The following KCNMA1 variants were observed in gnomAD, a reference collection of about 807,000 sequenced individuals.
The protein encoded by KCNMA1 is Calcium-activated potassium channel subunit alpha-1.
KCNMA1 carries 29 observed loss-of-function variants against 140.0 expected under a neutral mutation model. The observed-to-expected ratio is 0.21, with a 90% CI of 0.15 to 0.28. The LOEUF (loss-of-function observed/expected upper bound fraction) is 0.28, where lower values mean the gene tolerates loss of function less well. KCNMA1 is among the 10% of genes least tolerant of loss of function. The pLI is 1.00. For missense variants in KCNMA1, 880 were observed against 1,602.2 expected (o/e 0.55, Z 7.70); for synonymous variants, 612 against 611.9 (o/e 1.00, Z 0.00).
At chr10:77,483,398 G>A (rs190116671) in intron 1 of KCNMA1, among the ~76,000 whole-genome samples, 1 of 152,340 alleles carries the variant, frequency 6.6e-6, no homozygotes, top group Admixed American at 6.5e-5. Flanking sequence ...AGGAGCCGGG[G>A]TGGTGACACA....
chr10:77,253,432 C>G (rs2060070793), intron 2 of KCNMA1, among the ~76,000 whole-genome samples: 2 of 152,228 alleles, frequency 1.3e-5, no homozygotes. Flanking sequence ...TCTAAGACCC[C>G]TGCAATGGCA....
chr10:77,578,039 G>A (rs1445624131), intron 1 of KCNMA1, among the ~76,000 whole-genome samples: 2 of 152,194 alleles, frequency 1.3e-5, no homozygotes, highest in Non-Finnish European at 2.9e-5. Flanking sequence ...TAAACTGGTG[G>A]GATTAGAGGC....
At chr10:77,540,264 G>A (rs1252821675) in intron 1 of KCNMA1, among the ~76,000 whole-genome samples, 2 of 152,212 alleles carry the variant, frequency 1.3e-5, no homozygotes, top group Non-Finnish European at 2.9e-5. Flanking sequence ...ATAAGGCAAA[G>A]CTGGGGTGTT....
At chr10:77,201,658 T>C (rs1277279664) in intron 3 of KCNMA1, among the ~76,000 whole-genome samples, 1 of 152,232 alleles carries the variant, frequency 6.6e-6, no homozygotes, top group Non-Finnish European at 1.5e-5. Flanking sequence ...TTCACGCATG[T>C]GACCTTATAA....
chr10:77,448,593 G>A (rs563721660), intron 1 of KCNMA1, among the ~76,000 whole-genome samples: 1 of 152,244 alleles, frequency 6.6e-6, no homozygotes, highest in South Asian at 2.1e-4. Flanking sequence ...TCCAATTCCA[G>A]GGTTCTTTCA....
chr10:77,450,746 A>C (rs1488276281), intron 1 of KCNMA1, among the ~76,000 whole-genome samples: 1 of 152,230 alleles, frequency 6.6e-6, no homozygotes, highest in Admixed American at 6.5e-5. Context: ...GAAGGGCCCC[A>C]TGAGACTCAT....
At chr10:77,051,256 T>C (rs1245973931) in intron 14 of KCNMA1, among the ~76,000 whole-genome samples, 1 of 152,190 alleles carries the variant, frequency 6.6e-6, no homozygotes, top group African/African-American at 2.4e-5. Context: ...TATGGCCTAA[T>C]AAAGTCGCGC....
chr10:76,932,214 T>C (rs1286775118), intron 23 of KCNMA1, among the ~76,000 whole-genome samples: 1 of 152,206 alleles, frequency 6.6e-6, no homozygotes, highest in Non-Finnish European at 1.5e-5. Flanking sequence ...AAAAGTGTAT[T>C]GTTCAAACAT....
chr10:77,234,194 C>A (rs1173042056), intron 3 of KCNMA1, among the ~76,000 whole-genome samples: 1 of 152,144 alleles, frequency 6.6e-6, no homozygotes, highest in African/African-American at 2.4e-5. Flanking sequence ...TTAACATAAT[C>A]TATTTTCTTA....
chr10:77,066,222 T>C (rs1245378977), intron 14 of KCNMA1, among the ~76,000 whole-genome samples: 3 of 152,166 alleles, frequency 2.0e-5, no homozygotes, highest in Non-Finnish European at 1.5e-5. Context: ...AGGAGGCTGG[T>C]GTAATATTCT....
At chr10:76,959,814 T>C (rs1400370752) in intron 20 of KCNMA1, among the ~76,000 whole-genome samples, 2 of 152,242 alleles carry the variant, frequency 1.3e-5, no homozygotes, top group Non-Finnish European at 2.9e-5. Context: ...CAAATGTTGG[T>C]GCACTAAAAC....
At chr10:77,481,786 A>AT (rs1307437544) in intron 1 of KCNMA1, among the ~76,000 whole-genome samples, 1 of 151,516 alleles carries the variant, frequency 6.6e-6, no homozygotes, top group East Asian at 2.0e-4. Flanking sequence ...AAAAAAAAAA[A>AT]AAAAAGAAAG....
chr10:76,883,389 C>T (rs1441634219), downstream of KCNMA1, among the ~76,000 whole-genome samples: 1 of 152,172 alleles, frequency 6.6e-6, no homozygotes, highest in Non-Finnish European at 1.5e-5. Context: ...GAATTTGAAA[C>T]CTCTCCCAAT....
chr10:77,288,895 C>G (rs1000099799), intron 2 of KCNMA1, among the ~76,000 whole-genome samples: 1 of 152,170 alleles, frequency 6.6e-6, no homozygotes, highest in Non-Finnish European at 1.5e-5. Flanking sequence ...AAAGTGAACA[C>G]CATCCACAAG....
rs143645179 is a variant in KCNMA1 at position 77,612,918 on chromosome 10, C to A, written c.378+24347G>T. The stretch of plus-strand genomic sequence containing the variant: ...CTCCTTTCTGGATTCTCTCTCCCTA[C>A]TCCCCCCACCCCCACTGAGCACAGG... On this transcript the variant is annotated intron_variant, in intron 1 of 27. Coordinates refer to ENST00000286628, the MANE Select transcript of KCNMA1 (RefSeq NM_001161352.2). 4.2e-3 allele frequency among the ~76,000 whole-genome samples: 636 copies of A among 152,222 alleles called. 4 individuals carry two copies. Among genetic ancestry groups the A allele is most frequent in the Non-Finnish European group, 7.5e-3 (510 of 68,010 alleles).
chr10:77,060,676 G>A (rs1339339439), intron 14 of KCNMA1, among the ~76,000 whole-genome samples: 2 of 152,160 alleles, frequency 1.3e-5, no homozygotes. Flanking sequence ...TGAGGTGAAT[G>A]TATTTTGCAT....
intron 2 of KCNMA1, among the ~76,000 whole-genome samples, chr10:77,333,417 A>G (rs1183504146): frequency 6.0e-5 from 9 of 149,808 alleles, no homozygotes; most frequent in Non-Finnish European, 1.2e-4. Flanking sequence ...AAAGAAAAGA[A>G]AAGAAAGAGA....
At chr10:77,120,505 T>C (rs570221374) in intron 6 of KCNMA1, among the ~76,000 whole-genome samples, 18 of 152,352 alleles carry the variant, frequency 1.2e-4, no homozygotes, top group African/African-American at 4.1e-4. Context: ...GTTTGCCGTA[T>C]GAGGTTTGTG....
Position 77,553,972 on chromosome 10 carries a change from G to A in KCNMA1, c.378+83293C>T, listed in dbSNP as rs143517279. Among the ~76,000 whole-genome samples, 32 of 144,278 alleles carry A rather than the reference G, an allele frequency of 2.2e-4. 1 individual carries two copies. In the East Asian group the frequency reaches 4.9e-3, roughly 22 times the overall value. The allele number at this position is 144,278 out of a possible 152,430, so 94.7% of individuals were successfully genotyped here. On this transcript the variant is annotated intron_variant, in intron 1 of 27. Transcript: ENST00000286628. ...GTTTTGTAGGTCTTGAGCAGGGATCGACTTTTTTTTTTTTTAAGGTTCCAA... is the reference window on the plus strand; with the variant it reads ...GTTTTGTAGGTCTTGAGCAGGGATCAACTTTTTTTTTTTTTAAGGTTCCAA...
Sources: gnomAD v4.1 joint callset for allele counts (sites outside exome capture counted in the v4.1 genomes callset) on GRCh38, gnomAD v4.1.1 for gene constraint, MANE v1.5 for transcripts, NCBI Gene and HGNC (gene_info 2026-07-23, HGNC 2026-07-21) for gene names.